Variants in RANBP17 observed in about 807,000 individuals in gnomAD.
RANBP17 encodes the protein ran-binding protein 17.
A neutral mutation model predicts 141.2 loss-of-function variants in RANBP17; 158 were observed. The observed-to-expected ratio is 1.12, with a 90% CI of 0.98 to 1.28. The LOEUF is 1.28. RANBP17 is among the 50% of genes most tolerant of loss of function. The pLI is 0.00. For synonymous variants in RANBP17, 430 were observed against 450.0 expected, an observed-to-expected ratio of 0.96 and a Z score of 0.56; for missense variants, 1,438 against 1,290.7, an observed-to-expected ratio of 1.11 and a Z score of -1.75.
intron 14 of RANBP17, among the ~76,000 whole-genome samples, chr5:171,148,618 A>G (rs1758255122): frequency 6.6e-6 from 1 of 151,704 alleles, no homozygotes; most frequent in Non-Finnish European, 1.5e-5. Context: ...ATATATATAG[A>G]GAGAGAGAGA....
At chr5:170,862,580 C>A (rs1198037549) in intron 1 of RANBP17, among the ~76,000 whole-genome samples, 1 of 152,082 alleles carries the variant, frequency 6.6e-6, no homozygotes, top group Non-Finnish European at 1.5e-5. Flanking sequence ...CTTTAATTGG[C>A]CAGAGGAGAC....
At chr5:171,085,437 G>A (rs1211241459) in intron 14 of RANBP17, among the ~76,000 whole-genome samples, 1 of 74,356 alleles carries the variant, frequency 1.3e-5, no homozygotes, top group Admixed American at 1.4e-4. Flanking sequence ...GATTGACTTG[G>A]CAATGCAGGC....
intron 14 of RANBP17, among the ~76,000 whole-genome samples, chr5:171,037,255 G>C (rs1781941252): frequency 1.3e-5 from 2 of 152,086 alleles, no homozygotes; most frequent in South Asian, 2.1e-4. Flanking sequence ...CTTCTTTTGA[G>C]AAGTGTTGAT....
At chr5:170,907,523 C>G (rs1771160937) in intron 5 of RANBP17, among the ~76,000 whole-genome samples, 2 of 151,916 alleles carry the variant, frequency 1.3e-5, no homozygotes, top group Admixed American at 1.3e-4. Flanking sequence ...TTAACTTGCA[C>G]AGGACTTAGT....
At chr5:171,252,125 G>A in intron 24 of RANBP17, 1 of 1,593,766 alleles carries the variant, frequency 6.3e-7, no homozygotes, top group South Asian at 1.1e-5. Context: ...CTCCCAAGAA[G>A]TTCATCACAA....
intron 14 of RANBP17, among the ~76,000 whole-genome samples, chr5:171,158,825 T>C (rs1049421163): frequency 6.6e-6 from 1 of 152,172 alleles, no homozygotes; most frequent in Non-Finnish European, 1.5e-5. Context: ...TACCACACTT[T>C]CCAGCAGGTG....
intron 12 of RANBP17, among the ~76,000 whole-genome samples, chr5:170,940,882 C>CA (rs1402301499): frequency 2.0e-5 from 3 of 150,682 alleles, no homozygotes; most frequent in Non-Finnish European, 4.4e-5. Flanking sequence ...GTCAATGACT[C>CA]AGTGTCATAG....
chr5:171,005,349 C>CA (rs1779521363), intron 14 of RANBP17, among the ~76,000 whole-genome samples: 1 of 152,150 alleles, frequency 6.6e-6, no homozygotes, highest in African/African-American at 2.4e-5. Flanking sequence ...AACTGTACTA[C>CA]AAGGCTACAG....
At chr5:171,203,527 A>G (rs1762415995) in intron 19 of RANBP17, among the ~76,000 whole-genome samples, 1 of 152,130 alleles carries the variant, frequency 6.6e-6, no homozygotes, top group Non-Finnish European at 1.5e-5. Flanking sequence ...AAACATTATT[A>G]TATGCTTCCT....
chr5:171,134,989 C>T (rs949899177), intron 14 of RANBP17, among the ~76,000 whole-genome samples: 10 of 150,266 alleles, frequency 6.7e-5, no homozygotes, highest in Non-Finnish European at 1.2e-4. Context: ...AAGTTTAAGG[C>T]TGGGCATGGT....
intron 14 of RANBP17, among the ~76,000 whole-genome samples, chr5:171,027,445 A>C (rs1781299132): frequency 6.6e-6 from 1 of 151,962 alleles, no homozygotes; most frequent in Admixed American, 6.6e-5. Context: ...ACTCTTTGTC[A>C]CTTTTTCTAT....
chr5:171,166,740 G>T lies in RANBP17; in HGVS notation c.1711-3390G>T, dbSNP rs568754710. On this transcript the variant is annotated intron_variant, in intron 14 of 27. Transcript: ENST00000523189. Reference sequence around the variant, plus strand: ...GTTTGGAGACATTTTCATGTTTTCTGCATGTTATCTGAATGATAAGGTACC... The same window carrying T: ...GTTTGGAGACATTTTCATGTTTTCTTCATGTTATCTGAATGATAAGGTACC... Among the ~76,000 whole-genome samples the T allele has an allele frequency of 2.6e-5, 4 of 152,202 alleles. No individual in the cohort carries two copies. The South Asian group carries it at 8.3e-4, about 32-fold the overall frequency.
chr5:171,210,436 C>G (rs1034594569), intron 20 of RANBP17, among the ~76,000 whole-genome samples: 3 of 152,152 alleles, frequency 2.0e-5, no homozygotes, highest in African/African-American at 4.8e-5. Flanking sequence ...ATACTGTGTG[C>G]TCTGAAAAAT....
At chr5:171,118,691 C>CA (rs1755814639) in intron 14 of RANBP17, among the ~76,000 whole-genome samples, 2 of 152,036 alleles carry the variant, frequency 1.3e-5, no homozygotes, top group South Asian at 4.1e-4. Flanking sequence ...ATAGTAGCTA[C>CA]AAAAAATGGA....
intron 24 of RANBP17, among the ~76,000 whole-genome samples, chr5:171,255,601 CT>C (rs1765830982): frequency 6.6e-6 from 1 of 152,036 alleles, no homozygotes; most frequent in African/African-American, 2.4e-5. Context: ...TTTACTTTTT[CT>C]TCTTAATGCA....
At position 171,080,367 on chromosome 5, in the gene RANBP17, A is replaced by G. The variant is rs116626136; in HGVS notation, c.1711-89763A>G. On this transcript the variant is annotated intron_variant, in intron 14 of 27. Coordinates refer to ENST00000523189, the MANE Select transcript of RANBP17 (RefSeq NM_022897.5). ...GGACAAAGTGCTCTGACCTGTTGCC[A>G]AACCTTTTTTTCCACAGCTACAGTG... Among the ~76,000 whole-genome samples, 1,145 of 152,272 alleles carry G rather than the reference A, an allele frequency of 7.5e-3. 13 individuals are homozygous for G. The highest frequency in any genetic ancestry group is 0.026 in the African/African-American group (1,084 of 41,532).
intron 23 of RANBP17, among the ~76,000 whole-genome samples, chr5:171,241,579 A>C (rs1474913016): frequency 6.6e-6 from 1 of 152,124 alleles, no homozygotes; most frequent in Non-Finnish European, 1.5e-5. Context: ...CAAAGAGAGG[A>C]CTTCCTTGTA....
At chr5:170,954,062 C>T (rs1775414808) in intron 13 of RANBP17, among the ~76,000 whole-genome samples, 1 of 152,104 alleles carries the variant, frequency 6.6e-6, no homozygotes, top group African/African-American at 2.4e-5. Context: ...AGTTACCCAT[C>T]GCAGGTTTTG....
chr5:171,281,751 CTAA>C (rs1767875017), intron 25 of RANBP17, among the ~76,000 whole-genome samples: 2 of 152,192 alleles, frequency 1.3e-5, no homozygotes, highest in South Asian at 4.1e-4. Flanking sequence ...ATAAAAAGAG[CTAA>C]TAATAGAATA....
Sources: allele counts gnomAD v4.1 joint callset (sites outside exome capture counted in the v4.1 genomes callset), GRCh38; gene constraint gnomAD v4.1.1; transcripts MANE v1.5; gene names NCBI Gene and HGNC (gene_info 2026-07-23, HGNC 2026-07-21).